PCDH9: variants seen among roughly 807,000 people sequenced by gnomAD.
The protein encoded by PCDH9 is protocadherin-9.
A neutral mutation model predicts 70.6 loss-of-function variants in PCDH9; 24 were observed. That is an observed-to-expected ratio of 0.34 (90% confidence interval 0.25 to 0.48). The LOEUF (loss-of-function observed/expected upper bound fraction) is 0.48. Ranked by LOEUF, PCDH9 falls within the 20% of genes least tolerant of loss-of-function variation. The probability of loss-of-function intolerance (pLI) is 0.99; values close to 1 mark genes in which losing one functional copy is unlikely to be tolerated. For synonymous variants in PCDH9, 562 were observed against 558.5 expected, an observed-to-expected ratio of 1.01 and a Z score of -0.09; for missense variants, 1,281 against 1,503.6, an observed-to-expected ratio of 0.85 and a Z score of 2.45.
At chr13:67,091,457 C>T (rs965575350) in intron 2 of PCDH9, among the ~76,000 whole-genome samples, 10 of 152,072 alleles carry the variant, frequency 6.6e-5, no homozygotes, top group African/African-American at 2.4e-5. Flanking sequence ...TGTTGATTGC[C>T]GTCATTTGAA....
intron 2 of PCDH9, among the ~76,000 whole-genome samples, chr13:67,188,980 C>T (rs2088835226): frequency 6.6e-6 from 1 of 152,008 alleles, no homozygotes; most frequent in South Asian, 2.1e-4. Context: ...TCCATTGTGT[C>T]ATTCTTATGC....
intron 3 of PCDH9, among the ~76,000 whole-genome samples, chr13:66,658,850 T>A (rs1289096416): frequency 6.6e-6 from 1 of 152,198 alleles, no homozygotes; most frequent in African/African-American, 2.4e-5. Context: ...AAGCATTTAT[T>A]GTTTTCTGGT....
chr13:67,052,345 A>G (rs2139932987), intron 2 of PCDH9, among the ~76,000 whole-genome samples: 1 of 152,208 alleles, frequency 6.6e-6, no homozygotes, highest in East Asian at 1.9e-4. Flanking sequence ...CAGGCAGTGG[A>G]AAAGTGTGCC....
At chr13:66,466,989 C>G (rs1179004541) in intron 4 of PCDH9, among the ~76,000 whole-genome samples, 1 of 152,034 alleles carries the variant, frequency 6.6e-6, no homozygotes, top group African/African-American at 2.4e-5. Flanking sequence ...GTTACTGACT[C>G]TGTTTCAGGC....
At chr13:66,465,375 G>A (rs1329129340) in intron 4 of PCDH9, among the ~76,000 whole-genome samples, 1 of 151,852 alleles carries the variant, frequency 6.6e-6, no homozygotes, top group African/African-American at 2.4e-5. Context: ...CCTGAATCTA[G>A]CAGTATTTAT....
chr13:66,976,475 C>G (rs938675228), intron 2 of PCDH9, among the ~76,000 whole-genome samples: 16 of 152,006 alleles, frequency 1.1e-4, no homozygotes, highest in African/African-American at 3.6e-4. Context: ...TGAATTTTTT[C>G]CAGTAAAATA....
intron 4 of PCDH9, among the ~76,000 whole-genome samples, chr13:66,503,112 T>C (rs1324433067): frequency 6.6e-6 from 1 of 152,184 alleles, no homozygotes; most frequent in African/African-American, 2.4e-5. Flanking sequence ...GTCAATACTT[T>C]CCCCAAACAT....
chr13:66,676,308 G>A (rs572904736), intron 3 of PCDH9, among the ~76,000 whole-genome samples: 40 of 152,206 alleles, frequency 2.6e-4, no homozygotes, highest in African/African-American at 7.9e-4. Context: ...TTCTACAAAA[G>A]AGATAATTGT....
At chr13:67,157,737 T>C (rs186834831) in intron 2 of PCDH9, among the ~76,000 whole-genome samples, 80 of 152,332 alleles carry the variant, frequency 5.3e-4, no homozygotes, top group African/African-American at 1.6e-3. Flanking sequence ...CCAAAATACT[T>C]ATTAAATATA....
At chr13:67,060,748 A>G (rs1248549964) in intron 2 of PCDH9, among the ~76,000 whole-genome samples, 1 of 152,030 alleles carries the variant, frequency 6.6e-6, no homozygotes, top group African/African-American at 2.4e-5. Flanking sequence ...TAGGGCATCA[A>G]ATTAACAAAG....
At position 66,631,331 on chromosome 13, in the gene PCDH9, C is replaced by G; in HGVS notation, c.3219G>C (p.Pro1073=). The G allele has an allele frequency of 1.2e-6, 2 of 1,607,148 alleles. No homozygotes were observed. Among genetic ancestry groups the G allele is most frequent in the Non-Finnish European group, 1.7e-6 (2 of 1,173,670 alleles). Residue 1073 remains proline, a synonymous_variant, in exon 4 of 5, where the codon CCG becomes CCC. Transcript: ENST00000377865. ...CSDSGLGDHE[P]VGSGTLISHP... ...GTGAGATCAGGGTTCCACTACCCAC[C>G]GGCTCATGGTCTCCTAGACCACTGT...
At chr13:66,558,736 T>C (rs1961859292) in intron 4 of PCDH9, among the ~76,000 whole-genome samples, 1 of 152,060 alleles carries the variant, frequency 6.6e-6, no homozygotes, top group African/African-American at 2.4e-5. Context: ...GGGCTTAGTC[T>C]GGAAGATGCT....
chr13:66,423,629 C>A (rs372189925), intron 4 of PCDH9, among the ~76,000 whole-genome samples: 3 of 152,054 alleles, frequency 2.0e-5, no homozygotes, highest in South Asian at 2.1e-4. Flanking sequence ...ATTCAACAGC[C>A]CTTCATGCTA....
At chr13:66,502,096 T>C (rs561596154) in intron 4 of PCDH9, among the ~76,000 whole-genome samples, 1 of 152,276 alleles carries the variant, frequency 6.6e-6, no homozygotes, top group East Asian at 1.9e-4. Flanking sequence ...TTATGGTAGC[T>C]GTTACTTACA....
intron 4 of PCDH9, among the ~76,000 whole-genome samples, chr13:66,584,786 T>C (rs997188348): frequency 6.6e-6 from 1 of 152,092 alleles, no homozygotes; most frequent in Non-Finnish European, 1.5e-5. Context: ...TACTGGCCTG[T>C]AGAGGCTCAC....
In PCDH9 at chr13:66,823,756, A is replaced by G. The variant is rs184759488; in HGVS notation, c.3138+79748T>C. Among the ~76,000 whole-genome samples, 634 of 152,274 alleles carry G rather than the reference A, an allele frequency of 4.2e-3. 1 individual carries two copies. Among genetic ancestry groups the G allele is most frequent in the Middle Eastern group, 0.01 (3 of 294 alleles). ...TAAATTAAATATTCTAAATAATTCA[A>G]TATAGAACTCATACAATTGTCCACA... On this transcript the variant is annotated intron_variant, in intron 3 of 4. Coordinates refer to ENST00000377865, the MANE Select transcript of PCDH9 (RefSeq NM_203487.3).
chr13:66,444,888 G>T (rs564262731), intron 4 of PCDH9, among the ~76,000 whole-genome samples: 29 of 151,858 alleles, frequency 1.9e-4, no homozygotes, highest in African/African-American at 6.5e-4. Context: ...GAGAACTGGA[G>T]CCAAGAGCAG....
intron 4 of PCDH9, among the ~76,000 whole-genome samples, chr13:66,540,258 G>T (rs998678129): frequency 1.3e-5 from 2 of 151,960 alleles, no homozygotes; most frequent in Non-Finnish European, 2.9e-5. Flanking sequence ...GGGAAAAAAG[G>T]CAGTTTATAC....
At chr13:66,773,735 A>G (rs1170382503) in intron 3 of PCDH9, among the ~76,000 whole-genome samples, 1 of 151,892 alleles carries the variant, frequency 6.6e-6, no homozygotes, top group Non-Finnish European at 1.5e-5. Context: ...ATTAGAAAGC[A>G]GAAGATGGTC....
Sources: gnomAD v4.1 joint callset for allele counts (sites outside exome capture counted in the v4.1 genomes callset) on GRCh38, gnomAD v4.1.1 for gene constraint, MANE v1.5 for transcripts, NCBI Gene and HGNC (gene_info 2026-07-23, HGNC 2026-07-21) for gene names.